ZNF133: variants seen among roughly 807,000 people sequenced by gnomAD.
ZNF133 encodes zinc finger protein 133 (clone pHZ-13).
ZNF133 carries 26 observed loss-of-function variants against 54.9 expected under a neutral mutation model. That is an observed-to-expected ratio of 0.47 (90% CI 0.35 to 0.66). ZNF133 has a LOEUF of 0.66. Ranked by LOEUF, ZNF133 falls within the 30% of genes least tolerant of loss-of-function variation. ZNF133 has a pLI of 0.01. For missense variants in ZNF133, 653 were observed against 820.8 expected (o/e 0.80, Z 2.50); for synonymous variants, 298 against 320.3 (o/e 0.93, Z 0.74).
chr20:18,296,393 C>A (rs1052295826), intron 1 of ZNF133, among the ~76,000 whole-genome samples: 3 of 152,060 alleles, frequency 2.0e-5, no homozygotes, highest in Non-Finnish European at 2.9e-5. Flanking sequence ...CTATCTATCT[C>A]CAGAAATATT....
chr20:18,302,404 C>CAAAAAAAAAAAAAAAAAAACAAAGAAAA (rs71194236), intron 3 of ZNF133, among the ~76,000 whole-genome samples: 1 of 114,590 alleles, frequency 8.7e-6, no homozygotes, highest in African/African-American at 3.1e-5. Flanking sequence ...AACTCTGTCT[C>CAAAAAAAAAAAAAAAAAAACAAAGAAAA]AAAAAAAAAA....
intron 1 of ZNF133, chr20:18,290,128 A>G (rs2040613228): frequency 6.6e-6 from 1 of 152,210 alleles, no homozygotes; most frequent in Non-Finnish European, 1.5e-5. Context: ...TCTTTTGCTC[A>G]GCTTTGACGT....
intron 1 of ZNF133, among the ~76,000 whole-genome samples, chr20:18,297,281 T>C (rs1487171903): frequency 6.6e-6 from 1 of 152,148 alleles, no homozygotes; most frequent in Non-Finnish European, 1.5e-5. Context: ...AATCTATTCC[T>C]CCTTGAGTGT....
intron 1 of ZNF133, among the ~76,000 whole-genome samples, chr20:18,292,145 T>G (rs2041195202): frequency 1.3e-5 from 2 of 152,336 alleles, no homozygotes; most frequent in South Asian, 2.1e-4. Flanking sequence ...GGCCACCGTC[T>G]CATCTGGACG....
rs761524657 is a variant in ZNF133 at position 18,316,396 on chromosome 20, G to A, written c.1545G>A (p.Thr515=). The part of the protein sequence containing the change: ...QKSNLVAHQR[T]HSGERPYVCR... Reference sequence around the variant, plus strand: ...CAAACCTTGTTGCACACCAGAGGACGCACTCAGGGGAGAGGCCGTATGTGT... The same window carrying A: ...CAAACCTTGTTGCACACCAGAGGACACACTCAGGGGAGAGGCCGTATGTGT... The change falls in exon 7 of 7, where the codon ACG becomes ACA. Residue 515 remains threonine, a synonymous_variant. Coordinates refer to ENST00000425686, the MANE Select transcript of ZNF133 (RefSeq NM_001352452.2). 12 of 1,613,690 alleles carry A rather than the reference G, an allele frequency of 7.4e-6. No individual in the cohort carries two copies. Among genetic ancestry groups the A allele is most frequent in the South Asian group, 6.6e-5 (6 of 91,026 alleles).
At chr20:18,303,654 A>G (rs2147343847) in intron 3 of ZNF133, among the ~76,000 whole-genome samples, 1 of 152,312 alleles carries the variant, frequency 6.6e-6, no homozygotes, top group Non-Finnish European at 1.5e-5. Context: ...TATATGGTCA[A>G]ATGATTTTTG....
intron 6 of ZNF133, among the ~76,000 whole-genome samples, chr20:18,309,970 T>G (rs974811486): frequency 1.1e-4 from 17 of 152,218 alleles, no homozygotes; most frequent in African/African-American, 4.1e-4. Context: ...TGTGTGTTCA[T>G]TCTAGAATTG....
chr20:18,306,693 GT>G (rs1352217972), intron 6 of ZNF133: 3 of 1,338,516 alleles, frequency 2.2e-6, no homozygotes, highest in East Asian at 4.3e-5. Context: ...TCTTGTTACT[GT>G]TTTTTAAAAA....
intron 3 of ZNF133, among the ~76,000 whole-genome samples, chr20:18,302,718 G>A (rs2043661540): frequency 6.6e-6 from 1 of 152,278 alleles, no homozygotes; most frequent in East Asian, 1.9e-4. Context: ...AGAAACAAAT[G>A]CCATCTGAAT....
At chr20:18,310,046 C>T in intron 6 of ZNF133, 4 of 997,396 alleles carry the variant, frequency 4.0e-6, no homozygotes, top group Non-Finnish European at 3.8e-6. Context: ...TATGTGTTTT[C>T]TCAACCTGAA....
chr20:18,316,301 C>T lies in ZNF133; in HGVS notation c.1450C>T (p.His484Tyr). 6.2e-7 allele frequency: 1 copy of T among 1,613,724 alleles called. No homozygotes were observed. The highest frequency in any genetic ancestry group is 8.5e-7 in the Non-Finnish European group (1 of 1,179,776). The change falls in exon 7 of 7, where the codon CAC becomes TAC. Residue 484 changes from histidine (H) to tyrosine (Y), a missense_variant. Transcript: ENST00000425686. Reference protein sequence around the residue: ...GFSQQSNLIRHQRTHSGEKPM... With the variant: ...GFSQQSNLIRYQRTHSGEKPM... Reference sequence around the variant, plus strand: ...CAGCCAGCAATCCAACCTCATCAGACACCAGAGGACGCACTCAGGCGAGAA... The same window carrying T: ...CAGCCAGCAATCCAACCTCATCAGATACCAGAGGACGCACTCAGGCGAGAA...
intron 3 of ZNF133, among the ~76,000 whole-genome samples, chr20:18,300,982 C>G (rs185322983): frequency 6.6e-6 from 1 of 152,132 alleles, no homozygotes; most frequent in African/African-American, 2.4e-5. Flanking sequence ...GAACATTGTA[C>G]CCAACAAAAA....
Position 18,298,045 on chromosome 20 carries a change from C to T in ZNF133, c.-371C>T, listed in dbSNP as rs76116142. 2,075 of 1,535,430 alleles carry T rather than the reference C, an allele frequency of 1.4e-3. 5 individuals carry two copies. Among genetic ancestry groups the T allele is most frequent in the Non-Finnish European group, 1.7e-3 (1,985 of 1,146,774 alleles). ...ATAAGGAAAAAAAGCCACAGGGTCC[C>T]GGAGAGCCAGGGGAATGGTGAGTGT... On this transcript the variant is annotated 5_prime_UTR_variant, in exon 2 of 7. Coordinates refer to ENST00000425686, the MANE Select transcript of ZNF133 (RefSeq NM_001352452.2).
chr20:18,304,216 C>T (rs2044087187), intron 3 of ZNF133, among the ~76,000 whole-genome samples: 1 of 152,102 alleles, frequency 6.6e-6, no homozygotes, highest in Non-Finnish European at 1.5e-5. Flanking sequence ...CACCTTATAC[C>T]AATTAGTATG....
chr20:18,304,237 T>A (rs1052772984), intron 3 of ZNF133, among the ~76,000 whole-genome samples: 3 of 151,998 alleles, frequency 2.0e-5, no homozygotes, highest in Admixed American at 6.6e-5. Context: ...GCTATTACTT[T>A]AAAAAAAACC....
chr20:18,296,474 T>G (rs559266103), intron 1 of ZNF133, among the ~76,000 whole-genome samples: 2 of 152,224 alleles, frequency 1.3e-5, no homozygotes, highest in South Asian at 4.1e-4. Flanking sequence ...CCCAACCACC[T>G]CTCCTCAACC....
At chr20:18,299,206 T>C (rs929961123) in intron 3 of ZNF133, among the ~76,000 whole-genome samples, 1 of 151,742 alleles carries the variant, frequency 6.6e-6, no homozygotes, top group African/African-American at 2.4e-5. Context: ...GTGGAGAAAG[T>C]CAAGAAAATA....
chr20:18,316,841 A>C lies in ZNF133; in HGVS notation c.*25A>C. ...AAGGCAAAGATGGGGACAAGGACTA[A>C]GAGTCAGAATGTTGACACTTTGATG... On this transcript the variant is annotated 3_prime_UTR_variant, in exon 7 of 7. Transcript: ENST00000425686. 1 of 1,572,174 alleles carries C rather than the reference A, an allele frequency of 6.4e-7. No individual in the cohort carries two copies. Among genetic ancestry groups the C allele is most frequent in the Non-Finnish European group, 8.6e-7 (1 of 1,158,552 alleles).
intron 6 of ZNF133, among the ~76,000 whole-genome samples, chr20:18,312,034 A>G (rs1260532846): frequency 6.6e-6 from 1 of 152,158 alleles, no homozygotes; most frequent in Non-Finnish European, 1.5e-5. Flanking sequence ...GTTGGTTTGC[A>G]TTTTGGAATA....
Sources: gnomAD v4.1 joint callset for allele counts (sites outside exome capture counted in the v4.1 genomes callset) on GRCh38, gnomAD v4.1.1 for gene constraint, MANE v1.5 for transcripts, NCBI Gene and HGNC (gene_info 2026-07-23, HGNC 2026-07-21) for gene names.